The following PIP4K2A variants were observed in gnomAD, a reference collection of about 807,000 sequenced individuals.
PIP4K2A encodes phosphatidylinositol 5-phosphate 4-kinase type-2 alpha.
In PIP4K2A, 14 loss-of-function variants were observed where a neutral mutation model predicts 42.9. The ratio of observed to expected loss-of-function variants is 0.33; its 90% CI spans 0.22 to 0.51. PIP4K2A has a LOEUF of 0.51. Among genes scored for constraint, PIP4K2A ranks in the 20% least tolerant of loss-of-function variants. The pLI is 0.97. For synonymous variants in PIP4K2A, 192 were observed against 192.2 expected (o/e 1.00, Z 0.01); for missense variants, 434 against 519.8 (o/e 0.83, Z 1.61).
In PIP4K2A at chr10:22,618,904, G is replaced by T. The variant is rs189401175; in HGVS notation, c.145-9187C>A. ...TTTATACACCAAAGTTCATATTTTT[G>T]ATGTGTATTGGTAGCAACCAGAACA... On this transcript the variant is annotated intron_variant, in intron 1 of 9. Transcript: ENST00000376573. Among the ~76,000 whole-genome samples, 4 of 152,304 alleles carry T rather than the reference G, an allele frequency of 2.6e-5. No individual in the cohort carries two copies. In the East Asian group the frequency reaches 5.8e-4, roughly 22 times the overall value.
At chr10:22,632,726 G>T (rs1220069860) in intron 1 of PIP4K2A, among the ~76,000 whole-genome samples, 1 of 152,020 alleles carries the variant, frequency 6.6e-6, no homozygotes, top group Non-Finnish European at 1.5e-5. Context: ...AACCAGCTAA[G>T]AATCTCTAGA....
At chr10:22,704,394 G>GT (rs1833772884) in intron 1 of PIP4K2A, among the ~76,000 whole-genome samples, 2 of 152,254 alleles carry the variant, frequency 1.3e-5, no homozygotes, top group Admixed American at 6.5e-5. Flanking sequence ...CTAGATTGGG[G>GT]TAAGTTAAGG....
At chr10:22,660,815 A>G (rs1488300559) in intron 1 of PIP4K2A, among the ~76,000 whole-genome samples, 1 of 150,878 alleles carries the variant, frequency 6.6e-6, no homozygotes, top group Non-Finnish European at 1.5e-5. Flanking sequence ...AGTACTTTAA[A>G]GCAAAAAAAA....
At chr10:22,670,034 G>A (rs769316786) in intron 1 of PIP4K2A, among the ~76,000 whole-genome samples, 8 of 152,106 alleles carry the variant, frequency 5.3e-5, no homozygotes, top group Non-Finnish European at 8.8e-5. Context: ...TCCATTAATT[G>A]CAGTCTTAAT....
intron 7 of PIP4K2A, among the ~76,000 whole-genome samples, chr10:22,549,401 C>A (rs1179384131): frequency 6.6e-6 from 1 of 151,234 alleles, no homozygotes; most frequent in African/African-American, 2.4e-5. Context: ...TCCCACAAAG[C>A]CTCTCTCTAA....
intron 7 of PIP4K2A, among the ~76,000 whole-genome samples, chr10:22,548,074 T>C (rs947248224): frequency 6.6e-6 from 1 of 152,196 alleles, no homozygotes; most frequent in African/African-American, 2.4e-5. Flanking sequence ...TTAGAAAGCA[T>C]GGAACTGATG....
Position 22,714,413 on chromosome 10 carries a change from T to TC in PIP4K2A, c.-88dup, listed in dbSNP as rs1833971942. ...ACCCCGGCCCGGGGAGGCAGCCGCATCCCCCCGGCGGCGGCCCCGGCGCGC... is the reference window on the plus strand; with the variant it reads ...ACCCCGGCCCGGGGAGGCAGCCGCATCCCCCCCGGCGGCGGCCCCGGCGCGC... On this transcript the variant is annotated 5_prime_UTR_variant, in exon 1 of 10. Coordinates refer to ENST00000376573, the MANE Select transcript of PIP4K2A (RefSeq NM_005028.5). The TC allele has an allele frequency of 2.1e-6, 2 of 967,122 alleles. No homozygotes were observed. Among genetic ancestry groups the TC allele is most frequent in the East Asian group, 5.3e-5 (1 of 18,866 alleles). 59.9% of individuals were successfully genotyped at this position (967,122 alleles called of 1,614,324 possible).
intron 7 of PIP4K2A, among the ~76,000 whole-genome samples, chr10:22,549,838 C>CAAAAA (rs56349240): frequency 6.7e-4 from 47 of 70,120 alleles, no homozygotes; most frequent in Non-Finnish European, 1.0e-3. Context: ...GAATCCATCT[C>CAAAAA]AAAAAAAAAA....
At chr10:22,670,611 A>G (rs1401873155) in intron 1 of PIP4K2A, among the ~76,000 whole-genome samples, 2 of 152,206 alleles carry the variant, frequency 1.3e-5, no homozygotes, top group Non-Finnish European at 2.9e-5. Context: ...TCTCACCCAT[A>G]TCGTCTGCAT....
intron 1 of PIP4K2A, among the ~76,000 whole-genome samples, chr10:22,648,515 CTTTTCCAAGTA>C (rs1838930126): frequency 6.6e-6 from 1 of 152,072 alleles, no homozygotes; most frequent in African/African-American, 2.4e-5. Flanking sequence ...AATATTTTGC[CTTTTCCAAGTA>C]TTTTCCTCAG....
intron 1 of PIP4K2A, among the ~76,000 whole-genome samples, chr10:22,686,297 C>A (rs1020975183): frequency 7.2e-5 from 11 of 152,178 alleles, no homozygotes; most frequent in African/African-American, 2.7e-4. Context: ...CCACAAATTA[C>A]GTCTTAACTA....
intron 1 of PIP4K2A, among the ~76,000 whole-genome samples, chr10:22,675,855 C>A (rs973216435): frequency 3.9e-5 from 6 of 152,184 alleles, no homozygotes; most frequent in African/African-American, 1.4e-4. Context: ...CAGTGTTTCT[C>A]TGACATTTCC....
At chr10:22,598,696 C>A (rs1294605317) in intron 3 of PIP4K2A, among the ~76,000 whole-genome samples, 1 of 152,156 alleles carries the variant, frequency 6.6e-6, no homozygotes, top group Non-Finnish European at 1.5e-5. Context: ...TCCAACTCAC[C>A]CTTCCCACCT....
At chr10:22,713,762 G>A (rs146208300) in intron 1 of PIP4K2A, among the ~76,000 whole-genome samples, 1,584 of 151,922 alleles carry the variant, frequency 0.01, 14 homozygotes, top group Non-Finnish European at 0.017. Flanking sequence ...CGGGCGCCGC[G>A]CGGCCCCCAC....
chr10:22,688,646 TC>T (rs1839805194), intron 1 of PIP4K2A, among the ~76,000 whole-genome samples: 1 of 151,934 alleles, frequency 6.6e-6, no homozygotes, highest in Admixed American at 6.6e-5. Flanking sequence ...AGAGATGGGG[TC>T]CTGCTACGTT....
At chr10:22,567,398 T>A (rs1269520701) in intron 6 of PIP4K2A, 14 of 338,554 alleles carry the variant, frequency 4.1e-5, no homozygotes, top group Non-Finnish European at 3.5e-5. Context: ...GAAAGGAGTT[T>A]GAGGCTCATC....
intron 1 of PIP4K2A, among the ~76,000 whole-genome samples, chr10:22,625,993 A>G (rs1463941427): frequency 6.6e-6 from 1 of 152,110 alleles, no homozygotes; most frequent in African/African-American, 2.4e-5. Context: ...CACCTACACA[A>G]TGGACTCCAG....
chr10:22,624,742 T>C (rs561405451), intron 1 of PIP4K2A, among the ~76,000 whole-genome samples: 58 of 152,294 alleles, frequency 3.8e-4, no homozygotes, highest in African/African-American at 1.3e-3. Context: ...AGACTCAACA[T>C]TGAGTAAGAA....
At chr10:22,703,963 T>G (rs1328653504) in intron 1 of PIP4K2A, among the ~76,000 whole-genome samples, 1 of 152,154 alleles carries the variant, frequency 6.6e-6, no homozygotes, top group African/African-American at 2.4e-5. Flanking sequence ...GTTTAAGTTA[T>G]GACAGGGGAC....
Sources: gnomAD v4.1 joint callset for allele counts (sites outside exome capture counted in the v4.1 genomes callset) on GRCh38, gnomAD v4.1.1 for gene constraint, MANE v1.5 for transcripts, NCBI Gene and HGNC (gene_info 2026-07-23, HGNC 2026-07-21) for gene names.